Variants in AGFG1 observed in about 807,000 individuals in gnomAD.
The protein encoded by AGFG1 is ArfGAP with FG repeats 1.
In AGFG1, 10 loss-of-function variants were observed where a neutral mutation model predicts 60.6. The ratio of observed to expected loss-of-function variants is 0.16; its 90% CI spans 0.10 to 0.28. AGFG1 has a LOEUF of 0.28. Ranked by LOEUF, AGFG1 falls within the 10% of genes least tolerant of loss-of-function variation. AGFG1 has a pLI of 1.00. For synonymous variants in AGFG1, 247 were observed against 242.9 expected (o/e 1.02, Z -0.16); for missense variants, 537 against 676.5 (o/e 0.79, Z 2.29).
intron 2 of AGFG1, among the ~76,000 whole-genome samples, chr2:227,514,053 C>A (rs1691577872): frequency 1.3e-5 from 2 of 152,098 alleles, no homozygotes; most frequent in African/African-American, 4.8e-5. Flanking sequence ...CTGTCAAGAC[C>A]ACTATGATTG....
intron 10 of AGFG1, among the ~76,000 whole-genome samples, chr2:227,537,569 C>T (rs77098001): frequency 0.054 from 8,239 of 152,050 alleles, 292 homozygotes; most frequent in African/African-American, 0.09. Context: ...CCTTAATTCT[C>T]TTTGTTGTCT....
In AGFG1 at chr2:227,482,101, G is replaced by A. The variant is rs188715231; in HGVS notation, c.168-9446G>A. Among the ~76,000 whole-genome samples the A allele has an allele frequency of 3.4e-3, 514 of 152,100 alleles. 3 individuals carry two copies. Among genetic ancestry groups the A allele is most frequent in the African/African-American group, 0.012 (488 of 41,530 alleles). On this transcript the variant is annotated intron_variant, in intron 1 of 12. Coordinates refer to ENST00000310078, the MANE Select transcript of AGFG1 (RefSeq NM_004504.5). ...AGGATGGTCTCGATCTCCTGACCTC[G>A]TGATCTGCCCGCTTCGGCCTCCCAA...
rs544712983 is a variant in AGFG1, at chr2:227,551,459, A to G, written c.1379-500A>G. Among the ~76,000 whole-genome samples the G allele has an allele frequency of 3.9e-5, 6 of 152,086 alleles. No individual in the cohort carries two copies. The East Asian group carries it at 5.8e-4, about 15-fold the overall frequency. On this transcript the variant is annotated intron_variant, in intron 10 of 12. Transcript: ENST00000310078. The stretch of plus-strand genomic sequence containing the variant: ...CTGAGTGGTCTGCCTGTAACTAACT[A>G]TTTGTCCTATAAGTCCTGTTCTTTT...
In AGFG1 at chr2:227,507,627, G is replaced by A. The variant is rs1197112755; in HGVS notation, c.262-12321G>A. Reference sequence around the variant, plus strand: ...CAAAAAAAAAAAAAAAAAAAAAAAAGCGCCTTTTCACTAATTTTTTTTGTT... The same window carrying A: ...CAAAAAAAAAAAAAAAAAAAAAAAAACGCCTTTTCACTAATTTTTTTTGTT... On this transcript the variant is annotated intron_variant, in intron 2 of 12. Coordinates refer to ENST00000310078, the MANE Select transcript of AGFG1 (RefSeq NM_004504.5). Among the ~76,000 whole-genome samples the A allele has an allele frequency of 2.5e-3, 223 of 88,108 alleles. 2 individuals carry two copies. Among genetic ancestry groups the A allele is most frequent in the African/African-American group, 6.3e-3 (165 of 26,270 alleles). 57.8% of individuals were successfully genotyped at this position (88,108 alleles called of 152,430 possible).
intron 10 of AGFG1, among the ~76,000 whole-genome samples, chr2:227,541,363 A>G (rs1559196946): frequency 1.3e-5 from 2 of 152,280 alleles, no homozygotes; most frequent in East Asian, 3.9e-4. Flanking sequence ...TCTTGAATTA[A>G]TTTTTGTACA....
intron 2 of AGFG1, among the ~76,000 whole-genome samples, chr2:227,517,491 C>T (rs569861330): frequency 6.6e-5 from 10 of 152,274 alleles, no homozygotes; most frequent in Admixed American, 1.3e-4. Context: ...ATGATGGTCT[C>T]GATCTCCTGA....
chr2:227,555,661 TTTA>T lies in AGFG1; in HGVS notation c.*1167_*1169del. 6.5e-6 allele frequency: 1 copy of T among 152,742 alleles called. No individual in the cohort carries two copies. Among genetic ancestry groups the T allele is most frequent in the South Asian group, 2.1e-4 (1 of 4,828 alleles). 9.5% of individuals were successfully genotyped at this position (152,742 alleles called of 1,614,324 possible). A position where few individuals can be genotyped will look rare whatever the true frequency, so the allele number is the denominator to read the frequency against. ...ACCTTAAAGTTACGGAATACTTTGT[TTTA>T]AAGGAAAAGATAATAAGTTTAGTTA... On this transcript the variant is annotated 3_prime_UTR_variant, in exon 13 of 13. Coordinates refer to ENST00000310078, the MANE Select transcript of AGFG1 (RefSeq NM_004504.5).
intron 1 of AGFG1, among the ~76,000 whole-genome samples, chr2:227,487,316 T>C (rs1296637638): frequency 6.6e-6 from 1 of 151,928 alleles, no homozygotes. Context: ...AAATTATGAA[T>C]AGAAAAAAAT....
At chr2:227,543,930 T>TG (rs1170112732) in intron 10 of AGFG1, among the ~76,000 whole-genome samples, 4 of 152,228 alleles carry the variant, frequency 2.6e-5, no homozygotes, top group African/African-American at 9.6e-5. Context: ...CATTATGTAA[T>TG]GGTCTTCTTT....
intron 2 of AGFG1, among the ~76,000 whole-genome samples, chr2:227,496,938 G>A (rs560999569): frequency 6.6e-6 from 1 of 152,198 alleles, no homozygotes; most frequent in Admixed American, 6.5e-5. Context: ...TCGATTTTCT[G>A]CTGAGTTTAA....
intron 2 of AGFG1, among the ~76,000 whole-genome samples, chr2:227,509,585 T>C (rs1204314639): frequency 6.6e-6 from 1 of 152,114 alleles, no homozygotes; most frequent in East Asian, 1.9e-4. Flanking sequence ...ATGTCACCAA[T>C]TTAAATGGTT....
chr2:227,543,222 T>C lies in AGFG1; in HGVS notation c.1378+6229T>C, dbSNP rs146769024. Among the ~76,000 whole-genome samples the C allele has an allele frequency of 1.1e-3, 160 of 152,352 alleles. 2 individuals are homozygous for C. In the East Asian group the frequency reaches 0.025, roughly 24 times the overall value. On this transcript the variant is annotated intron_variant, in intron 10 of 12. Transcript: ENST00000310078. ...GCCTTTTGAATATGTTTGCTCTTGC[T>C]TCTCTAGTTCTTTTAATTGTGATGT...
Position 227,556,530 on chromosome 2 carries a change from T to G in AGFG1, c.*2035T>G, listed in dbSNP as rs1692975403. 6.6e-6 allele frequency: 1 copy of G among 152,646 alleles called. No homozygotes were observed. The highest frequency in any genetic ancestry group is 6.5e-5 in the Admixed American group (1 of 15,280). The allele number at this position is 152,646 out of a possible 1,614,324, so 9.5% of individuals were successfully genotyped here. A position where few individuals can be genotyped will look rare whatever the true frequency, so the allele number is the denominator to read the frequency against. ...CCTTTTCATTGAGGGAAAATATATT[T>G]GAATTTCTGTTTTAGATTGTATCGG... On this transcript the variant is annotated 3_prime_UTR_variant, in exon 13 of 13. Coordinates refer to ENST00000310078, the MANE Select transcript of AGFG1 (RefSeq NM_004504.5).
At position 227,559,687 on chromosome 2, in the gene AGFG1, T is replaced by A. The variant is rs1043375380; in HGVS notation, c.*5192T>A. On this transcript the variant is annotated 3_prime_UTR_variant, in exon 13 of 13. Transcript: ENST00000310078. ...CTTGAGATGTTATCCAAGTTACAAT[T>A]TAAGCAATGAGAGTAAAATTTGAAT... The A allele has an allele frequency of 2.0e-5, 3 of 152,182 alleles. No homozygotes were observed. Among genetic ancestry groups the A allele is most frequent in the African/African-American group, 7.2e-5 (3 of 41,440 alleles). 9.4% of individuals were successfully genotyped at this position (152,182 alleles called of 1,614,324 possible).
chr2:227,546,951 CTTTG>C (rs531293729), intron 10 of AGFG1, among the ~76,000 whole-genome samples: 430 of 152,244 alleles, frequency 2.8e-3, no homozygotes, highest in Non-Finnish European at 4.6e-3. Flanking sequence ...GCCCTCAGAT[CTTTG>C]TTTATTACCT....
intron 1 of AGFG1, among the ~76,000 whole-genome samples, chr2:227,481,743 A>G (rs1182791312): frequency 1.3e-5 from 2 of 152,172 alleles, no homozygotes; most frequent in Admixed American, 6.5e-5. Flanking sequence ...ACAGGCATGC[A>G]GTATGAGATA....
At chr2:227,548,280 C>A (rs4973181) in intron 10 of AGFG1, among the ~76,000 whole-genome samples, 91,785 of 151,896 alleles carry the variant, frequency 0.6, 27,753 homozygotes, top group South Asian at 0.7. Context: ...GGTTGTACAT[C>A]CCTGTGAATA....
chr2:227,493,472 G>A (rs929738522), intron 2 of AGFG1, among the ~76,000 whole-genome samples: 1 of 152,192 alleles, frequency 6.6e-6, no homozygotes, highest in African/African-American at 2.4e-5. Context: ...TTATTGTCAT[G>A]TATGGCAGGA....
In AGFG1 at chr2:227,491,591, C is replaced by G. The variant is rs1353347055; in HGVS notation, c.212C>G (p.Thr71Arg). The change falls in exon 2 of 13, where the codon ACA becomes AGA. Residue 71 changes from threonine to arginine, a missense_variant. Thr to Arg is a moderately conservative substitution (Grantham distance 71). Transcript: ENST00000310078. ...CACAGGGTGAAATCTATCTCCATGA[C>G]AACATTCACACAACAGGAAATTGAA... Reference protein sequence around the residue: ...PPHRVKSISMTTFTQQEIEFL... With the variant: ...PPHRVKSISMRTFTQQEIEFL... 6.4e-7 allele frequency: 1 copy of G among 1,557,988 alleles called. No homozygotes were observed.
Sources: allele counts gnomAD v4.1 joint callset (sites outside exome capture counted in the v4.1 genomes callset), GRCh38; gene constraint gnomAD v4.1.1; transcripts MANE v1.5; gene names NCBI Gene and HGNC (gene_info 2026-07-23, HGNC 2026-07-21).